The following BACC1 variants were observed in gnomAD, a reference collection of about 807,000 sequenced individuals.
BACC1 encodes BPTF-associated chromatin complex component 1.
chr17:7,017,028 T>TC, the BACC1 span: 1 of 1,601,300 alleles, frequency 6.2e-7, no homozygotes. Flanking sequence ...GGAGTCCTCC[T>TC]CCTCCCACAC....
At chr17:7,017,073 A>G in the BACC1 span, 2 of 1,554,838 alleles carry the variant, frequency 1.3e-6, no homozygotes, top group Non-Finnish European at 1.8e-6. Flanking sequence ...GCTCACCTGG[A>G]TGGCAGGGCA....
the BACC1 span, chr17:7,017,320 G>A: frequency 3.7e-6 from 6 of 1,611,136 alleles, no homozygotes; most frequent in Non-Finnish European, 5.1e-6. Flanking sequence ...CTCTCCTGCT[G>A]AGCCTTCCAC....
At chr17:7,015,360 T>G in the BACC1 span, 1 of 1,369,440 alleles carries the variant, frequency 7.3e-7, no homozygotes, top group Non-Finnish European at 9.4e-7. Context: ...AGACTCCTGT[T>G]TCACAGTTCT....
At chr17:7,017,331 C>T in the BACC1 span, 1 of 1,602,306 alleles carries the variant, frequency 6.2e-7, no homozygotes, top group Non-Finnish European at 8.6e-7. Flanking sequence ...AGCCTTCCAC[C>T]TCTGACCTCT....
the BACC1 span, chr17:7,015,585 G>T: frequency 7.1e-7 from 1 of 1,404,202 alleles, no homozygotes; most frequent in Non-Finnish European, 9.3e-7. Context: ...TTGTGATTGG[G>T]GTCCTCCCGG....
At chr17:7,015,774 T>C in the BACC1 span, 1,353,905 of 1,612,900 alleles carry the variant, frequency 0.84, 573,727 homozygotes, top group South Asian at 0.92. Flanking sequence ...CTTCTGACAG[T>C]GCGAAGTGGA....
the BACC1 span, chr17:7,015,489 C>T: frequency 7.3e-7 from 1 of 1,367,646 alleles, no homozygotes; most frequent in South Asian, 1.7e-5. Flanking sequence ...CCCTTCCTGG[C>T]GAGTTGGTTT....
the BACC1 span, chr17:7,014,925 C>T: frequency 8.8e-5 from 131 of 1,481,390 alleles, no homozygotes; most frequent in Non-Finnish European, 1.1e-4. This position sits in a 1 kb window ranked among gnomAD's most constrained non-coding sequence, Gnocchi z 4.5. Context: ...CACGGGAGGG[C>T]GGGCCCCCCA....
the BACC1 span, chr17:7,015,915 CCTT>C: frequency 5.2e-6 from 8 of 1,524,162 alleles, no homozygotes; most frequent in African/African-American, 1.4e-5. Context: ...GGGTGGGCAG[CCTT>C]CTTCCTCCTT....
the BACC1 span, chr17:7,015,785 C>A: frequency 1.2e-6 from 2 of 1,613,742 alleles, no homozygotes; most frequent in African/African-American, 2.7e-5. Context: ...GCGAAGTGGA[C>A]GGAGACGGAA....
At chr17:7,016,741 A>G in the BACC1 span, 1 of 1,568,638 alleles carries the variant, frequency 6.4e-7, no homozygotes, top group Non-Finnish European at 8.7e-7. Context: ...AGGTTTAGTG[A>G]GAGAATTGGG....
chr17:7,014,979 G>A, the BACC1 span: 2 of 1,428,822 alleles, frequency 1.4e-6, no homozygotes, highest in East Asian at 3.0e-5. The surrounding 1 kb of genome is among the most constrained non-coding windows in gnomAD (Gnocchi z 4.5). Context: ...GCGGGCGGGA[G>A]CCGAGCCTGG....
the BACC1 span, chr17:7,016,623 C>A: frequency 6.2e-7 from 1 of 1,614,152 alleles, no homozygotes. Context: ...CCAGCTGCCC[C>A]TCCTCCCAGC....
At chr17:7,014,885 CCTCCCTCGCGGACAGCG>C in the BACC1 span, 189 of 1,532,392 alleles carry the variant, frequency 1.2e-4, no homozygotes, top group Middle Eastern at 1.2e-3. The surrounding 1 kb of genome is among the most constrained non-coding windows in gnomAD (Gnocchi z 4.5). Flanking sequence ...AAAGGTTCGA[CCTCCCTCGCGGACAGCG>C]CTCCCTGGCG....
chr17:7,016,019 AAG>A, the BACC1 span: 1 of 656,872 alleles, frequency 1.5e-6, no homozygotes, highest in Non-Finnish European at 2.6e-6. Flanking sequence ...TGAGGACTGA[AAG>A]AATAGAATTG....
At chr17:7,015,916 C>G in the BACC1 span, 4 of 1,525,782 alleles carry the variant, frequency 2.6e-6, no homozygotes, top group Non-Finnish European at 3.6e-6. Flanking sequence ...GGTGGGCAGC[C>G]TTCTTCCTCC....
At chr17:7,015,688 C>T in the BACC1 span, 2 of 1,411,526 alleles carry the variant, frequency 1.4e-6, no homozygotes, top group Admixed American at 3.8e-5. Flanking sequence ...AAGGAGGCGG[C>T]TGGTTGGCTG....
the BACC1 span, chr17:7,016,388 G>A: frequency 4.7e-3 from 6,160 of 1,313,298 alleles, 24 homozygotes; most frequent in Non-Finnish European, 5.8e-3. Context: ...TTGGGGCCCC[G>A]ACCTGGATTC....
the BACC1 span, chr17:7,015,757 CT>C: frequency 2.5e-6 from 4 of 1,611,016 alleles, no homozygotes; most frequent in South Asian, 1.1e-5. Context: ...GCTATCCCCC[CT>C]CTCCCCTTCT....
Sources: gnomAD v4.1 joint callset for allele counts on GRCh38, gnomAD v4.1.1 for gene constraint, Gnocchi (gnomAD v3.1) non-coding constraint, MANE v1.5 for transcripts, NCBI Gene and HGNC (gene_info 2026-07-23, HGNC 2026-07-21) for gene names.